Variants in UGT1A6 observed in about 807,000 individuals in gnomAD.
The protein encoded by UGT1A6 is UDP glucuronosyltransferase family 1 member A6, also known as UDP-glucuronosyltransferase 1A6.
In UGT1A6, 32 loss-of-function variants were observed where a neutral mutation model predicts 44.4. The ratio of observed to expected loss-of-function variants is 0.72; its 90% CI spans 0.54 to 0.97. The LOEUF (loss-of-function observed/expected upper bound fraction) is 0.97, where lower values mean the gene tolerates loss of function less well. UGT1A6 is among the 50% of genes least tolerant of loss of function. UGT1A6 has a pLI of 0.00. For missense variants in UGT1A6, 685 were observed against 661.9 expected, an observed-to-expected ratio of 1.03 and a Z score of -0.38; for synonymous variants, 238 against 248.5, an observed-to-expected ratio of 0.96 and a Z score of 0.40.
intron 1 of UGT1A6, among the ~76,000 whole-genome samples, chr2:233,738,050 G>C (rs1314850811): frequency 6.6e-6 from 1 of 152,082 alleles, no homozygotes; most frequent in Non-Finnish European, 1.5e-5. Flanking sequence ...TTGAGGACAG[G>C]ACATGGTGGG....
intron 1 of UGT1A6, chr2:233,747,685 G>C: frequency 1.2e-6 from 2 of 1,608,708 alleles, no homozygotes; most frequent in Non-Finnish European, 1.7e-6. Context: ...TACCTCTGTG[G>C]GGCAGTGCTG....
chr2:233,724,777 C>T (rs924774520), intron 1 of UGT1A6, among the ~76,000 whole-genome samples: 6 of 142,286 alleles, frequency 4.2e-5, no homozygotes, highest in African/African-American at 8.1e-5. Flanking sequence ...CAGAGACACT[C>T]CTCACTTCCC....
rs1156801962 is a variant in UGT1A6, at chr2:233,725,048, G to A, written c.861+31183G>A. Among the ~76,000 whole-genome samples the A allele has an allele frequency of 5.4e-5, 8 of 147,904 alleles. 1 individual carries two copies. The highest frequency in any genetic ancestry group is 1.5e-4 in the African/African-American group (6 of 39,674). Reference sequence around the variant, plus strand: ...CGGTCTCCACCAAAACCAGTCAGGCGTGGCGGCGCGCGCCTGCAATCGCAG... The same window carrying A: ...CGGTCTCCACCAAAACCAGTCAGGCATGGCGGCGCGCGCCTGCAATCGCAG... On this transcript the variant is annotated intron_variant, in intron 1 of 4. Transcript: ENST00000305139.
At chr2:233,743,177 G>A (rs1692221574) in intron 1 of UGT1A6, 2 of 366,924 alleles carry the variant, frequency 5.5e-6, no homozygotes. Context: ...AAAGTCAAAT[G>A]TGGACTGGAA....
rs1229039578 is a variant in UGT1A6, at chr2:233,693,856, C to T, written c.852C>T (p.Asp284=). The change falls in exon 1 of 5, where the codon GAC becomes GAT. Residue 284 remains aspartate (D), a synonymous_variant. Coordinates refer to ENST00000305139, the MANE Select transcript of UGT1A6 (RefSeq NM_001072.4). ...GTATCAACTGTAAGAAGAGGAAAGA[C>T]TTGTCTCAGGTTGGTGGGTTTATTT... ...IGGINCKKRK[D]LSQEFEAYIN... 2 of 1,614,076 alleles carry T rather than the reference C, an allele frequency of 1.2e-6. No individual in the cohort carries two copies. Among genetic ancestry groups the T allele is most frequent in the Admixed American group, 3.3e-5 (2 of 60,002 alleles).
Position 233,772,653 on chromosome 2 carries a change from T to C in UGT1A6, c.*94T>C. The C allele has an allele frequency of 1.3e-6, 2 of 1,546,978 alleles. No individual in the cohort carries two copies. The highest frequency in any genetic ancestry group is 1.7e-6 in the Non-Finnish European group (2 of 1,146,404). On this transcript the variant is annotated 3_prime_UTR_variant, in exon 5 of 5. Transcript: ENST00000305139. ...CAGTGTTAAATTCATTTTATTCTTA[T>C]TAAGGAAATACTTTGCATAAATTAA...
At chr2:233,753,987 C>A (rs1695364762) in intron 1 of UGT1A6, among the ~76,000 whole-genome samples, 1 of 152,156 alleles carries the variant, frequency 6.6e-6, no homozygotes, top group African/African-American at 2.4e-5. Context: ...TTTTAAGCCA[C>A]CAAGTTTGGG....
intron 1 of UGT1A6, chr2:233,713,421 A>G (rs28946885): frequency 6.9e-5 from 112 of 1,613,970 alleles, no homozygotes; most frequent in African/African-American, 9.3e-5. Flanking sequence ...CCTGCATGCT[A>G]CTTCCTTTGA....
At chr2:233,704,732 C>T (rs2075805299) in intron 1 of UGT1A6, among the ~76,000 whole-genome samples, 2 of 152,108 alleles carry the variant, frequency 1.3e-5, no homozygotes. Flanking sequence ...CTCCCAACTG[C>T]CTCCCTTGTG....
intron 1 of UGT1A6, among the ~76,000 whole-genome samples, chr2:233,757,709 C>T (rs1363556307): frequency 2.0e-5 from 3 of 151,302 alleles, no homozygotes; most frequent in Admixed American, 6.6e-5. Context: ...CTTTGCTTCC[C>T]GGGAGGGTCC....
chr2:233,731,651 A>G (rs190900877), intron 1 of UGT1A6, among the ~76,000 whole-genome samples: 118 of 152,290 alleles, frequency 7.7e-4, no homozygotes, highest in Admixed American at 1.5e-3. Context: ...TCCATGGTGT[A>G]TATGTGCCAC....
At chr2:233,720,428 A>C (rs1040145834) in intron 1 of UGT1A6, among the ~76,000 whole-genome samples, 1 of 152,036 alleles carries the variant, frequency 6.6e-6, no homozygotes, top group Non-Finnish European at 1.5e-5. Context: ...AGGAGATAAG[A>C]CCGTGAATCT....
intron 1 of UGT1A6, chr2:233,755,047 C>T (rs1236246701): frequency 7.5e-7 from 1 of 1,329,234 alleles, no homozygotes; most frequent in Non-Finnish European, 1.0e-6. Context: ...GCGCAGCCGC[C>T]CTCCGCCCTC....
chr2:233,718,849 C>T (rs199761544), intron 1 of UGT1A6: 64 of 1,613,712 alleles, frequency 4.0e-5, no homozygotes, highest in South Asian at 1.6e-4. Flanking sequence ...GTTCCCCTGC[C>T]GCGGCTGGCC....
chr2:233,738,397 G>A (rs1161112118), intron 1 of UGT1A6, among the ~76,000 whole-genome samples: 2 of 152,236 alleles, frequency 1.3e-5, no homozygotes, highest in Non-Finnish European at 2.9e-5. Context: ...AAGTGACTTG[G>A]AACTGGGTAA....
At chr2:233,759,469 A>G (rs1187872464) in intron 1 of UGT1A6, among the ~76,000 whole-genome samples, 5 of 152,280 alleles carry the variant, frequency 3.3e-5, no homozygotes, top group Admixed American at 2.6e-4. Flanking sequence ...CTCAAGATCT[A>G]TCTTACAGGA....
intron 1 of UGT1A6, among the ~76,000 whole-genome samples, chr2:233,722,976 C>T (rs1378643600): frequency 1.4e-5 from 2 of 146,460 alleles, no homozygotes; most frequent in Non-Finnish European, 3.0e-5. Context: ...AGGGATTGGT[C>T]CTGCTGTCTC....
rs779489251 is a variant in UGT1A6 at position 233,693,584 on chromosome 2, A to G, written c.580A>G (p.Arg194Gly). The G allele has an allele frequency of 6.2e-7, 1 of 1,614,184 alleles. No individual in the cohort carries two copies. Among genetic ancestry groups the G allele is most frequent in the Non-Finnish European group, 8.5e-7 (1 of 1,180,026 alleles). ...CCCAGACCCTGTGTCCTACATTCCC[A>G]GGTGCTACACAAAGTTTTCAGACCA... ...RSPDPVSYIPRCYTKFSDHMT... is the reference protein window; with the variant it reads ...RSPDPVSYIPGCYTKFSDHMT... The change falls in exon 1 of 5, where the codon AGG (arginine) becomes GGG (glycine). Residue 194 changes from arginine (R) to glycine (G), a missense_variant. Physicochemically the swap from Arg to Gly is moderately radical, Grantham distance 125. Coordinates refer to ENST00000305139, the MANE Select transcript of UGT1A6 (RefSeq NM_001072.4).
At chr2:233,747,425 A>T in intron 1 of UGT1A6, 8 of 1,445,640 alleles carry the variant, frequency 5.5e-6, no homozygotes, top group Non-Finnish European at 7.7e-6. Flanking sequence ...ACATCAAACA[A>T]GAGAAATTTT....
Sources: gnomAD v4.1 joint callset for allele counts (sites outside exome capture counted in the v4.1 genomes callset) on GRCh38, gnomAD v4.1.1 for gene constraint, MANE v1.5 for transcripts, NCBI Gene and HGNC (gene_info 2026-07-23, HGNC 2026-07-21) for gene names.